The following ANGPT2 variants were observed in gnomAD, a reference collection of about 807,000 sequenced individuals.
The protein encoded by ANGPT2 is angiopoietin 2, also known as angiopoietin-2.
In ANGPT2, 28 loss-of-function variants were observed where a neutral mutation model predicts 62.9. The observed-to-expected ratio is 0.44, with a 90% CI of 0.33 to 0.61. ANGPT2 has a LOEUF of 0.61. Among genes scored for constraint, ANGPT2 ranks in the 20% least tolerant of loss-of-function variants. The probability of loss-of-function intolerance (pLI) is 0.03; values close to 1 mark genes in which losing one functional copy is unlikely to be tolerated. For missense variants in ANGPT2, 727 were observed against 594.9 expected, an observed-to-expected ratio of 1.22 and a Z score of -2.31; for synonymous variants, 284 against 207.8, an observed-to-expected ratio of 1.37 and a Z score of -3.15.
chr8:6,540,696 C>T (rs1392845232), intron 1 of ANGPT2, among the ~76,000 whole-genome samples: 1 of 152,258 alleles, frequency 6.6e-6, no homozygotes, highest in African/African-American at 2.4e-5. Flanking sequence ...CTCTGTCTCA[C>T]CAGATTCTCA....
chr8:6,503,141 A>G lies in ANGPT2; in HGVS notation c.1448T>C (p.Leu483Pro). The change falls in exon 9 of 9, where the codon CTC (leucine) becomes CCC (proline). Residue 483 changes from leucine to proline, a missense_variant. Transcript: ENST00000629816. ...WYYWKGSGYS[L>P]KATTMMIRPA... Reference sequence around the variant, plus strand: ...TCGGATCATCATGGTTGTGGCCTTGAGCGAATAGCCTGAGCCTTTCCAGTA... The same window carrying G: ...TCGGATCATCATGGTTGTGGCCTTGGGCGAATAGCCTGAGCCTTTCCAGTA... The G allele has an allele frequency of 1.2e-6, 2 of 1,614,182 alleles. No individual in the cohort carries two copies. Among genetic ancestry groups the G allele is most frequent in the Non-Finnish European group, 1.7e-6 (2 of 1,180,034 alleles).
intron 5 of ANGPT2, among the ~76,000 whole-genome samples, chr8:6,516,794 T>G (rs2515430): frequency 1.3e-5 from 2 of 152,166 alleles, no homozygotes; most frequent in Admixed American, 1.3e-4. Context: ...GTGTCAAAAT[T>G]ACTGCTATGA....
At chr8:6,505,126 T>C (rs1272684674) in intron 8 of ANGPT2, among the ~76,000 whole-genome samples, 1 of 76,496 alleles carries the variant, frequency 1.3e-5, no homozygotes, top group East Asian at 5.4e-4. Flanking sequence ...AGGTCCTCTT[T>C]AGCCTTACCC....
At position 6,534,795 on chromosome 8, in the gene ANGPT2, A is replaced by C. The variant is rs191947366; in HGVS notation, c.289-2308T>G. ...TTTTTAGTGTGTGTGATCTTTCTTAATTCATTCTTTCTCCTTCCTCCCCTG... is the reference window on the plus strand; with the variant it reads ...TTTTTAGTGTGTGTGATCTTTCTTACTTCATTCTTTCTCCTTCCTCCCCTG... On this transcript the variant is annotated intron_variant, in intron 1 of 8. Coordinates refer to ENST00000629816, the MANE Select transcript of ANGPT2 (RefSeq NM_001118887.2). Among the ~76,000 whole-genome samples, 39 of 152,254 alleles carry C rather than the reference A, an allele frequency of 2.6e-4. No individual in the cohort carries two copies. The East Asian group carries it at 7.5e-3, about 29-fold the overall frequency.
intron 3 of ANGPT2, among the ~76,000 whole-genome samples, chr8:6,526,036 T>C (rs571722632): frequency 1.3e-5 from 2 of 152,224 alleles, no homozygotes; most frequent in East Asian, 3.9e-4. Context: ...CATCATTGTA[T>C]AACAGGCAAG....
Position 6,527,568 on chromosome 8 carries a change from G to A in ANGPT2, c.553C>T (p.Gln185Ter). ...TACTGTTATTACCTGTTCTTATCTT[G>A]CAATTTGTTTATTTCACTGGTCTGG... The part of the protein sequence containing the change: ...LDQTSEINKL[Q>*]DKNSFLEKKV... Residue 185 changes from glutamine (Q) to a stop codon, truncating the protein, a stop_gained, in exon 3 of 9, where the codon CAA becomes TAA. Coordinates refer to ENST00000629816, the MANE Select transcript of ANGPT2 (RefSeq NM_001118887.2). LOFTEE classifies it high-confidence loss of function. The A allele has an allele frequency of 6.2e-7, 1 of 1,613,666 alleles. No homozygotes were observed. Among genetic ancestry groups the A allele is most frequent in the Non-Finnish European group, 8.5e-7 (1 of 1,179,844 alleles).
At chr8:6,559,139 AT>A (rs914092754) in intron 1 of ANGPT2, among the ~76,000 whole-genome samples, 1 of 151,444 alleles carries the variant, frequency 6.6e-6, no homozygotes, top group African/African-American at 2.4e-5. Flanking sequence ...ATGGGATGGG[AT>A]TTTTTTCTTT....
chr8:6,528,877 T>C (rs2129571033), intron 2 of ANGPT2, among the ~76,000 whole-genome samples: 1 of 152,352 alleles, frequency 6.6e-6, no homozygotes, highest in Non-Finnish European at 1.5e-5. Flanking sequence ...GGTTTAGTTC[T>C]TATCACAAAA....
At chr8:6,553,687 C>G (rs918570085) in intron 1 of ANGPT2, among the ~76,000 whole-genome samples, 1 of 148,330 alleles carries the variant, frequency 6.7e-6, no homozygotes, top group African/African-American at 2.5e-5. Flanking sequence ...TTTTTTACCT[C>G]TCCCCTTTTC....
intron 8 of ANGPT2, among the ~76,000 whole-genome samples, chr8:6,504,321 A>G: frequency 6.6e-6 from 1 of 150,696 alleles, no homozygotes; most frequent in African/African-American, 2.4e-5. Flanking sequence ...CCAGCTCAAA[A>G]AAAAAAAAAA....
Position 6,500,947 on chromosome 8 carries a change from G to C in ANGPT2, c.*2154C>G, listed in dbSNP as rs1031743245. 3 of 152,188 alleles carry C rather than the reference G, an allele frequency of 2.0e-5. No individual in the cohort carries two copies. Among genetic ancestry groups the C allele is most frequent in the Non-Finnish European group, 4.4e-5 (3 of 68,032 alleles). The allele number at this position is 152,188 out of a possible 1,614,324, so 9.4% of individuals were successfully genotyped here. Reference sequence around the variant, plus strand: ...CCTGCATTAGCGTTTCCCTACCTAAGTATCCATCACTCTTGTCATTGAGAT... The same window carrying C: ...CCTGCATTAGCGTTTCCCTACCTAACTATCCATCACTCTTGTCATTGAGAT... On this transcript the variant is annotated 3_prime_UTR_variant, in exon 9 of 9. Transcript: ENST00000629816.
chr8:6,505,504 T>TATATTCTTTAC (rs1563307573), intron 8 of ANGPT2, among the ~76,000 whole-genome samples: 16 of 4,502 alleles, frequency 3.6e-3, no homozygotes, highest in African/African-American at 8.4e-3. Flanking sequence ...TTTATATATG[T>TATATTCTTTAC]ATATATAGAA....
chr8:6,542,980 T>C (rs532379745), intron 1 of ANGPT2, among the ~76,000 whole-genome samples: 1 of 152,122 alleles, frequency 6.6e-6, no homozygotes, highest in Non-Finnish European at 1.5e-5. Context: ...GCGTGTGTTG[T>C]TTCTGTTTTA....
intron 5 of ANGPT2, among the ~76,000 whole-genome samples, chr8:6,515,009 G>A (rs192562416): frequency 3.0e-4 from 45 of 152,278 alleles, no homozygotes; most frequent in Admixed American, 2.2e-3. Context: ...AATATAAAGT[G>A]TTGATGAGAA....
In ANGPT2 at chr8:6,519,870, C is replaced by A. The variant is rs774737058; in HGVS notation, c.921G>T (p.Glu307Asp). 1.9e-6 allele frequency: 3 copies of A among 1,613,836 alleles called. No homozygotes were observed. Among genetic ancestry groups the A allele is most frequent in the South Asian group, 1.1e-5 (1 of 91,012 alleles). Residue 307 changes from glutamate (E) to aspartate (D), a missense_variant, in exon 5 of 9, where the codon GAG becomes GAT. Glu to Asp is a conservative substitution (Grantham distance 45). Transcript: ENST00000629816. ...YTLTFPNSTE[E>D]IKAYCDMEAG... ...GGGGAGACGAATACCTCACCTTGAT[C>A]TCTTCTGTAGAATTAGGGAATGTTA... is the stretch of plus-strand genomic sequence containing the variant.
chr8:6,528,398 A>T (rs948769462), intron 2 of ANGPT2, among the ~76,000 whole-genome samples: 14 of 152,246 alleles, frequency 9.2e-5, no homozygotes, highest in Non-Finnish European at 1.9e-4. Context: ...ATTTGTCACT[A>T]GACAGAGAGA....
At chr8:6,523,252 C>T (rs976819364) in intron 3 of ANGPT2, among the ~76,000 whole-genome samples, 1 of 152,170 alleles carries the variant, frequency 6.6e-6, no homozygotes, top group African/African-American at 2.4e-5. Flanking sequence ...CCGCCCCTGC[C>T]TCCCAAAGTG....
intron 1 of ANGPT2, among the ~76,000 whole-genome samples, chr8:6,548,174 A>G (rs1307962916): frequency 6.6e-6 from 1 of 152,076 alleles, no homozygotes; most frequent in Non-Finnish European, 1.5e-5. Context: ...CTTCTCCTGG[A>G]GTGGCTTGAG....
intron 6 of ANGPT2, 86 bp downstream of exon 6, chr8:6,514,591 G>A (rs2916735): frequency 0.3 from 350,299 of 1,165,666 alleles, 58,021 homozygotes; most frequent in Middle Eastern, 0.37. Flanking sequence ...TGGTTAGTTT[G>A]GGATTGGTGG....
Sources: allele counts gnomAD v4.1 joint callset (sites outside exome capture counted in the v4.1 genomes callset), GRCh38; gene constraint gnomAD v4.1.1; transcripts MANE v1.5; gene names NCBI Gene and HGNC (gene_info 2026-07-23, HGNC 2026-07-21).